The following EVC variants were observed in gnomAD, a reference collection of about 807,000 sequenced individuals.
The protein encoded by EVC is evC complex member EVC.
Under a neutral mutation model 118.9 loss-of-function variants are expected in EVC, and 116 were observed. The observed-to-expected ratio is 0.98, with a 90% CI of 0.84 to 1.14. The LOEUF is 1.14. EVC is among the 50% of genes most tolerant of loss of function. The pLI is 0.00. For missense variants in EVC, 1,401 were observed against 1,246.4 expected (o/e 1.12, Z -1.87); for synonymous variants, 619 against 534.7 (o/e 1.16, Z -2.18).
the EVC span, among the ~76,000 whole-genome samples, chr4:5,823,617 C>A: frequency 3.3e-5 from 5 of 152,164 alleles, no homozygotes; most frequent in South Asian, 1.0e-3. Context: ...GCTCTATTAG[C>A]TCTCGGAAGA....
chr4:5,815,790 TC>T (rs1357534189), downstream of EVC, among the ~76,000 whole-genome samples: 3 of 151,766 alleles, frequency 2.0e-5, no homozygotes, highest in African/African-American at 4.8e-5. Context: ...GCACCTGACG[TC>T]CCCCCTGGAA....
In EVC at chr4:5,781,311, C is replaced by G. The variant is rs1413104837; in HGVS notation, c.1564-2241C>G. On this transcript the variant is annotated intron_variant, in intron 11 of 20. Transcript: ENST00000264956. ...TGAGATGTGGGTGCAGACCCTAGCG[C>G]GACAAAGCCGCTATCTCAGGGAGCT... Among the ~76,000 whole-genome samples, 4 of 151,954 alleles carry G rather than the reference C, an allele frequency of 2.6e-5. No homozygotes were observed. The East Asian group carries it at 7.7e-4, about 29-fold the overall frequency.
At chr4:5,717,744 G>T (rs1327195665) in intron 1 of EVC, among the ~76,000 whole-genome samples, 3 of 152,164 alleles carry the variant, frequency 2.0e-5, no homozygotes, top group Admixed American at 6.5e-5. Context: ...ATGGCTCATG[G>T]CCTCACTTCT....
At position 5,731,483 on chromosome 4, in the gene EVC, T is replaced by C. The variant is rs200052003; in HGVS notation, c.443T>C (p.Leu148Ser). 2 of 1,613,500 alleles carry C rather than the reference T, an allele frequency of 1.2e-6. No homozygotes were observed. The highest frequency in any genetic ancestry group is 1.7e-6 in the Non-Finnish European group (2 of 1,179,922). The change falls in exon 4 of 21, where the codon TTG (leucine) becomes TCG (serine). Residue 148 changes from leucine (L) to serine (S), a missense_variant. By Grantham distance (145) the Leu-to-Ser change is moderately radical. Coordinates refer to ENST00000264956, the MANE Select transcript of EVC (RefSeq NM_153717.3). The surrounding 1 kb of genome is among the most constrained non-coding windows in gnomAD (Gnocchi z 5.6). ...SLHENLKQAV[L>S]PHQPVEASPS... ...CATGAAAACTTAAAGCAGGCTGTTT[T>C]GCCACACCAGCCGGTAGAGGCCTCT...
At chr4:5,787,740 T>G (rs1256841555) in intron 12 of EVC, among the ~76,000 whole-genome samples, 2 of 152,272 alleles carry the variant, frequency 1.3e-5, no homozygotes, top group African/African-American at 2.4e-5. Flanking sequence ...GGTGCACTCC[T>G]TAGCATAACA....
chr4:5,737,124 G>T lies in EVC; in HGVS notation c.702+3689G>T, dbSNP rs1727816815. Among the ~76,000 whole-genome samples, 1 of 152,220 alleles carries T rather than the reference G, an allele frequency of 6.6e-6. No homozygotes were observed. Among genetic ancestry groups the T allele is most frequent in the Non-Finnish European group, 1.5e-5 (1 of 68,042 alleles). On this transcript the variant is annotated intron_variant, in intron 5 of 20. Coordinates refer to ENST00000264956, the MANE Select transcript of EVC (RefSeq NM_153717.3). This position sits in a 1 kb window ranked among gnomAD's most constrained non-coding sequence, Gnocchi z 5.0. ...CTTATTGCTGATATGGAGAAAGTCT[G>T]AGTGGTCTGCATAGAAGATCAAACC...
chr4:5,711,628 GC>G, intron 1 of EVC, 74 bp downstream of exon 1: 1 of 1,086,158 alleles, frequency 9.2e-7, no homozygotes, highest in Non-Finnish European at 1.1e-6. Flanking sequence ...CGGGCCCGGA[GC>G]CCCGGCTCTG....
chr4:5,787,958 A>T (rs779929684), intron 12 of EVC, among the ~76,000 whole-genome samples: 14 of 152,046 alleles, frequency 9.2e-5, no homozygotes, highest in Non-Finnish European at 1.6e-4. Flanking sequence ...CTCCTCCTTG[A>T]AACACCCGCT....
intron 8 of EVC, among the ~76,000 whole-genome samples, chr4:5,748,793 C>CGTCT (rs759975700): frequency 9.4e-5 from 10 of 106,670 alleles, no homozygotes; most frequent in African/African-American, 1.1e-4. Flanking sequence ...TCCATCCATC[C>CGTCT]ATCCATCCAT....
In EVC at chr4:5,808,188, T is replaced by C. The variant is rs779590026; in HGVS notation, c.2562-13T>C. The C allele has an allele frequency of 5.7e-5, 75 of 1,315,466 alleles. No homozygotes were observed. The highest frequency in any genetic ancestry group is 4.1e-4 in the Admixed American group (19 of 46,364). The allele number at this position is 1,315,466 out of a possible 1,614,324, so 81.5% of individuals were successfully genotyped here. Reference sequence around the variant, plus strand: ...CTTCCTCCCTGCCAGCCTGCCTGCCTTCCTCCCCCCAGGATGCTGTCCCAG... The same window carrying C: ...CTTCCTCCCTGCCAGCCTGCCTGCCCTCCTCCCCCCAGGATGCTGTCCCAG... On this transcript the variant is annotated splice_polypyrimidine_tract_variant and intron_variant, in intron 17 of 20. Transcript: ENST00000264956.
At chr4:5,740,702 C>G (rs1728409810) in intron 5 of EVC, among the ~76,000 whole-genome samples, 1 of 152,104 alleles carries the variant, frequency 6.6e-6, no homozygotes, top group Admixed American at 6.6e-5. Context: ...CACCAAAGGA[C>G]TAGTACCTAG....
At position 5,783,741 on chromosome 4, in the gene EVC, G is replaced by A; in HGVS notation, c.1753G>A (p.Glu585Lys). Residue 585 changes from glutamate to lysine, a missense_variant, in exon 12 of 21, where the codon GAG becomes AAG. Physicochemically the swap from Glu to Lys is moderately conservative, Grantham distance 56. Coordinates refer to ENST00000264956, the MANE Select transcript of EVC (RefSeq NM_153717.3). ...GAGGCAGCAGTGGAAACTCTTCCAG[G>A]AGCTCCTAGAGCAAGACCAGCAGGT... ...FRRQQWKLFQ[E>K]LLEQDQQVWM... 6.2e-7 allele frequency: 1 copy of A among 1,612,888 alleles called. No homozygotes were observed. Among genetic ancestry groups the A allele is most frequent in the Non-Finnish European group, 8.5e-7 (1 of 1,179,474 alleles).
intron 16 of EVC, among the ~76,000 whole-genome samples, chr4:5,804,255 C>T (rs964122948): frequency 6.6e-6 from 1 of 152,124 alleles, no homozygotes; most frequent in Non-Finnish European, 1.5e-5. Context: ...ACTTTTAAAG[C>T]TTTTAAAAGC....
chr4:5,777,533 C>T (rs1465213898), intron 11 of EVC, among the ~76,000 whole-genome samples: 1 of 152,174 alleles, frequency 6.6e-6, no homozygotes, highest in Non-Finnish European at 1.5e-5. Flanking sequence ...GCATGCCCCT[C>T]CAGATGTGTC....
chr4:5,748,041 A>G, intron 7 of EVC, 107 bp from the exon 8 acceptor site: 1 of 1,235,990 alleles, frequency 8.1e-7, no homozygotes, highest in Non-Finnish European at 1.2e-6. Flanking sequence ...ATTGTTTAGA[A>G]TCTTTGTTTG....
At chr4:5,791,020 G>A (rs534649950) in intron 12 of EVC, among the ~76,000 whole-genome samples, 6 of 149,422 alleles carry the variant, frequency 4.0e-5, no homozygotes, top group South Asian at 2.1e-4. Context: ...GCTTGAACCC[G>A]GGAGGTGAAG....
intron 12 of EVC, among the ~76,000 whole-genome samples, chr4:5,785,469 T>C (rs1385722579): frequency 6.6e-6 from 1 of 152,196 alleles, no homozygotes; most frequent in Non-Finnish European, 1.5e-5. Context: ...CTTGGGGCAA[T>C]AGAAAGTACA....
downstream of EVC, among the ~76,000 whole-genome samples, chr4:5,819,047 A>T (rs1197159385): frequency 2.0e-5 from 3 of 152,188 alleles, no homozygotes; most frequent in African/African-American, 7.2e-5. Context: ...TTAATGGGGG[A>T]AAGAATAGTC....
Position 5,756,913 on chromosome 4 carries a change from C to T in EVC, c.1563+551C>T, listed in dbSNP as rs1731267529. On this transcript the variant is annotated intron_variant, in intron 11 of 20. Coordinates refer to ENST00000264956, the MANE Select transcript of EVC (RefSeq NM_153717.3). This position sits in a 1 kb window ranked among gnomAD's most constrained non-coding sequence, Gnocchi z 4.2. ...TGCCATGCTGAGCCAGACAGAGCCC[C>T]TGCCTCAGGCAGCATCCTCAGTTGT... Among the ~76,000 whole-genome samples, 1 of 152,178 alleles carries T rather than the reference C, an allele frequency of 6.6e-6. No homozygotes were observed. Among genetic ancestry groups the T allele is most frequent in the African/African-American group, 2.4e-5 (1 of 41,436 alleles).
Sources: gnomAD v4.1 joint callset for allele counts (sites outside exome capture counted in the v4.1 genomes callset) on GRCh38, gnomAD v4.1.1 for gene constraint, Gnocchi (gnomAD v3.1) non-coding constraint, MANE v1.5 for transcripts, NCBI Gene and HGNC (gene_info 2026-07-23, HGNC 2026-07-21) for gene names.